The following NAALADL2 variants were observed in gnomAD, a reference collection of about 807,000 sequenced individuals.
The protein encoded by NAALADL2 is inactive N-acetylated-alpha-linked acidic dipeptidase-like protein 2.
Under a neutral mutation model 87.2 loss-of-function variants are expected in NAALADL2, and 76 were observed. The observed-to-expected ratio is 0.87, with a 90% CI of 0.72 to 1.05. The LOEUF (loss-of-function observed/expected upper bound fraction) is 1.05. Among genes scored for constraint, NAALADL2 ranks in the 50% least tolerant of loss-of-function variants. The probability of loss-of-function intolerance (pLI) is 0.00; values close to 1 mark genes in which losing one functional copy is unlikely to be tolerated. For synonymous variants in NAALADL2, 354 were observed against 331.0 expected (o/e 1.07, Z -0.75); for missense variants, 1,089 against 945.8 (o/e 1.15, Z -1.99).
At chr3:175,353,712 C>T (rs1764038224) in intron 5 of NAALADL2, among the ~76,000 whole-genome samples, 1 of 152,174 alleles carries the variant, frequency 6.6e-6, no homozygotes, top group Non-Finnish European at 1.5e-5. Flanking sequence ...AATCTAACAA[C>T]CACTGATTTT....
intron 3 of NAALADL2, among the ~76,000 whole-genome samples, chr3:174,817,200 A>G (rs567328812): frequency 3.6e-4 from 55 of 152,324 alleles, no homozygotes; most frequent in African/African-American, 1.2e-3. Flanking sequence ...ATAACCCACA[A>G]TCTTAATAAT....
At chr3:175,315,201 A>T (rs529203659) in intron 4 of NAALADL2, among the ~76,000 whole-genome samples, 1 of 152,258 alleles carries the variant, frequency 6.6e-6, no homozygotes, top group Admixed American at 6.5e-5. Context: ...CTCAGTTGCT[A>T]GTCTAGCACC....
chr3:175,361,152 A>T (rs1764962465), intron 5 of NAALADL2, among the ~76,000 whole-genome samples: 1 of 151,918 alleles, frequency 6.6e-6, no homozygotes, highest in Non-Finnish European at 1.5e-5. Context: ...GTTTGCTCAG[A>T]ATGATGTTTT....
chr3:174,779,613 C>A (rs138833760), intron 3 of NAALADL2, among the ~76,000 whole-genome samples: 1 of 152,002 alleles, frequency 6.6e-6, no homozygotes, highest in Non-Finnish European at 1.5e-5. Flanking sequence ...TTAGGTCTTA[C>A]GTTTAAGTCT....
chr3:175,677,397 T>C (rs1734943996), intron 11 of NAALADL2, among the ~76,000 whole-genome samples: 1 of 151,798 alleles, frequency 6.6e-6, no homozygotes, highest in African/African-American at 2.4e-5. Context: ...AAAGAACTGC[T>C]TGCCTATTTT....
At chr3:174,802,580 C>A (rs1047333786) in intron 3 of NAALADL2, among the ~76,000 whole-genome samples, 1 of 152,112 alleles carries the variant, frequency 6.6e-6, no homozygotes, top group Non-Finnish European at 1.5e-5. Flanking sequence ...TTTGCTGCGA[C>A]CATCAATTCG....
At chr3:175,280,613 T>A (rs780733793) in intron 4 of NAALADL2, among the ~76,000 whole-genome samples, 6 of 152,082 alleles carry the variant, frequency 3.9e-5, no homozygotes, top group Non-Finnish European at 7.4e-5. Context: ...TATGATCACT[T>A]GCTTCGGAAT....
At chr3:174,778,295 CAT>C (rs1237358700) in intron 3 of NAALADL2, among the ~76,000 whole-genome samples, 4 of 152,124 alleles carry the variant, frequency 2.6e-5, no homozygotes, top group African/African-American at 9.6e-5. Context: ...TGTCATAAGA[CAT>C]GTGATATCTA....
intron 2 of NAALADL2, among the ~76,000 whole-genome samples, chr3:174,671,618 A>T (rs1039828629): frequency 1.3e-5 from 2 of 152,108 alleles, no homozygotes; most frequent in Non-Finnish European, 2.9e-5. Context: ...TATGTCAAAA[A>T]TACTATCCGG....
intron 2 of NAALADL2, among the ~76,000 whole-genome samples, chr3:175,191,355 G>A (rs1738177261): frequency 6.6e-6 from 1 of 152,212 alleles, no homozygotes; most frequent in Non-Finnish European, 1.5e-5. Flanking sequence ...TGGTAGAAGT[G>A]TTGAGCCTTT....
chr3:175,448,209 T>C (rs1721001183), intron 6 of NAALADL2, among the ~76,000 whole-genome samples: 1 of 152,216 alleles, frequency 6.6e-6, no homozygotes, highest in Admixed American at 6.5e-5. Flanking sequence ...ATCCTGTAGA[T>C]TGAGAGCCTC....
chr3:175,758,370 C>T (rs1747544413), intron 13 of NAALADL2, among the ~76,000 whole-genome samples: 1 of 151,658 alleles, frequency 6.6e-6, no homozygotes, highest in Non-Finnish European at 1.5e-5. Flanking sequence ...TTCCTTAGCT[C>T]TATTAATTTA....
chr3:174,881,439 T>C (rs893279991), intron 1 of NAALADL2, among the ~76,000 whole-genome samples: 10 of 152,146 alleles, frequency 6.6e-5, no homozygotes, highest in African/African-American at 2.4e-4. Context: ...TAATCAAATT[T>C]ACTCACGTTT....
chr3:175,105,322 T>C (rs192872398), intron 2 of NAALADL2, among the ~76,000 whole-genome samples: 11 of 152,138 alleles, frequency 7.2e-5, no homozygotes, highest in African/African-American at 2.6e-4. Context: ...CTTTACTGCC[T>C]GAGAAAATGA....
At chr3:174,724,580 A>T (rs1464618168) in intron 2 of NAALADL2, among the ~76,000 whole-genome samples, 1 of 152,156 alleles carries the variant, frequency 6.6e-6, no homozygotes, top group Non-Finnish European at 1.5e-5. Flanking sequence ...GATTTAGAAA[A>T]GTCATATTTA....
intron 3 of NAALADL2, among the ~76,000 whole-genome samples, chr3:174,812,982 A>G (rs537438045): frequency 7.2e-5 from 11 of 152,334 alleles, no homozygotes; most frequent in African/African-American, 2.6e-4. Context: ...TTTTTATTGA[A>G]TAAAGAAAAA....
At chr3:175,578,933 G>C (rs2149566959) in intron 10 of NAALADL2, among the ~76,000 whole-genome samples, 1 of 152,340 alleles carries the variant, frequency 6.6e-6, no homozygotes, top group East Asian at 1.9e-4. Context: ...TTCTGTCAAA[G>C]ATTAGAAGAT....
intron 1 of NAALADL2, among the ~76,000 whole-genome samples, chr3:174,870,591 AT>A (rs1403176380): frequency 7.2e-6 from 1 of 139,774 alleles, no homozygotes; most frequent in Non-Finnish European, 1.6e-5. Context: ...TAACAAAAAA[AT>A]AAAAAAAAAA....
chr3:175,664,525 C>G (rs1192985851), intron 11 of NAALADL2, among the ~76,000 whole-genome samples: 1 of 152,096 alleles, frequency 6.6e-6, no homozygotes, highest in African/African-American at 2.4e-5. Flanking sequence ...GTGCCTAGAA[C>G]AGTGTCTGAC....
Sources: gnomAD v4.1 joint callset for allele counts (sites outside exome capture counted in the v4.1 genomes callset) on GRCh38, gnomAD v4.1.1 for gene constraint, MANE v1.5 for transcripts, NCBI Gene and HGNC (gene_info 2026-07-23, HGNC 2026-07-21) for gene names.